The following PTPRA variants were observed in gnomAD, a reference collection of about 807,000 sequenced individuals.
The protein encoded by PTPRA is receptor-type tyrosine-protein phosphatase alpha.
Under a neutral mutation model 104.8 loss-of-function variants are expected in PTPRA, and 25 were observed. That is an observed-to-expected ratio of 0.24 (90% confidence interval 0.17 to 0.33). PTPRA has a LOEUF of 0.33. Among genes scored for constraint, PTPRA ranks in the 10% least tolerant of loss-of-function variants. The pLI is 1.00. For synonymous variants in PTPRA, 323 were observed against 368.9 expected (o/e 0.88, Z 1.43); for missense variants, 765 against 1,015.3 (o/e 0.75, Z 3.35).
At chr20:3,028,261 G>A (rs2065248138) in intron 20 of PTPRA, among the ~76,000 whole-genome samples, 1 of 152,158 alleles carries the variant, frequency 6.6e-6, no homozygotes, top group South Asian at 2.1e-4. Flanking sequence ...CAATATGAGT[G>A]TCCCTAAGAA....
At chr20:2,939,252 G>A (rs1195141617) in intron 2 of PTPRA, among the ~76,000 whole-genome samples, 1 of 152,192 alleles carries the variant, frequency 6.6e-6, no homozygotes, top group Admixed American at 6.5e-5. Context: ...CACAGATTCA[G>A]AGAATTCATT....
At position 3,038,283 on chromosome 20, in the gene PTPRA, T is replaced by C; in HGVS notation, c.*150T>C. The C allele has an allele frequency of 3.0e-6, 2 of 665,144 alleles. No individual in the cohort carries two copies. Among genetic ancestry groups the C allele is most frequent in the Non-Finnish European group, 2.6e-6 (1 of 390,696 alleles). The allele number at this position is 665,144 out of a possible 1,614,324, so 41.2% of individuals were successfully genotyped here. A position where few individuals can be genotyped will look rare whatever the true frequency, so the allele number is the denominator to read the frequency against. On this transcript the variant is annotated 3_prime_UTR_variant, in exon 24 of 24. Coordinates refer to ENST00000399903, the MANE Select transcript of PTPRA (RefSeq NM_001385305.1). ...TATTACCTATTAGGTGGAAATTTTA[T>C]ATGTAAATGTGTTAGCACTGATAGT...
intron 5 of PTPRA, among the ~76,000 whole-genome samples, chr20:2,969,539 C>G (rs961897866): frequency 6.6e-6 from 1 of 151,690 alleles, no homozygotes; most frequent in Non-Finnish European, 1.5e-5. Context: ...GCCACTGCGC[C>G]CAGCCTAGAA....
At chr20:2,930,128 G>A (rs2060454995) in intron 2 of PTPRA, among the ~76,000 whole-genome samples, 1 of 152,146 alleles carries the variant, frequency 6.6e-6, no homozygotes, top group Non-Finnish European at 1.5e-5. Context: ...TTTTATGGCA[G>A]CCCTACCAAA....
At chr20:2,991,377 A>T (rs2063168500) in intron 9 of PTPRA, among the ~76,000 whole-genome samples, 1 of 152,014 alleles carries the variant, frequency 6.6e-6, no homozygotes, top group Non-Finnish European at 1.5e-5. Flanking sequence ...AAAAAAAAAA[A>T]AAAAAATTTA....
intron 12 of PTPRA, 72 bp from the exon 13 acceptor site, chr20:3,017,744 G>C: frequency 7.4e-7 from 1 of 1,350,368 alleles, no homozygotes; most frequent in Non-Finnish European, 1.1e-6. Flanking sequence ...AGTCAGGAAT[G>C]GATGTTCCCA....
rs191662684 is a variant in PTPRA at position 2,912,154 on chromosome 20, A to G, written c.-128-11053A>G. ...CCCAGCTACTCAGGAGGCTGAAGTG[A>G]GAGAATCACTTGAGCCTGGGAGGTT... On this transcript the variant is annotated intron_variant, in intron 1 of 23. Transcript: ENST00000399903. 2.8e-4 allele frequency among the ~76,000 whole-genome samples: 43 copies of G among 152,226 alleles called. 1 individual carries two copies. The East Asian group carries it at 7.5e-3, about 27-fold the overall frequency.
At chr20:3,011,488 A>G (rs1391178861) in intron 11 of PTPRA, among the ~76,000 whole-genome samples, 1 of 152,228 alleles carries the variant, frequency 6.6e-6, no homozygotes, top group African/African-American at 2.4e-5. Context: ...GAGAAAAAAC[A>G]TTCAGCCCAG....
intron 1 of PTPRA, among the ~76,000 whole-genome samples, chr20:2,888,385 C>T (rs936045449): frequency 6.6e-6 from 1 of 151,912 alleles, no homozygotes; most frequent in Admixed American, 6.6e-5. Context: ...CATAGTGAGA[C>T]CCTGCTTCTA....
intron 3 of PTPRA, among the ~76,000 whole-genome samples, chr20:2,958,201 A>G (rs776997842): frequency 1.8e-4 from 28 of 152,172 alleles, no homozygotes; most frequent in Non-Finnish European, 3.7e-4. Flanking sequence ...GGTGTGGTAG[A>G]CATAACAGAG....
chr20:3,012,088 G>GC (rs1312583500), intron 11 of PTPRA, among the ~76,000 whole-genome samples: 1 of 152,204 alleles, frequency 6.6e-6, no homozygotes, highest in East Asian at 1.9e-4. Flanking sequence ...AGATAGTCAA[G>GC]CTAGAAGGGA....
chr20:2,938,846 C>T (rs1250443092), intron 2 of PTPRA, among the ~76,000 whole-genome samples: 1 of 152,118 alleles, frequency 6.6e-6, no homozygotes, highest in Non-Finnish European at 1.5e-5. Context: ...GTTTTAAATT[C>T]TTTTCAAATA....
intron 1 of PTPRA, among the ~76,000 whole-genome samples, chr20:2,886,427 A>G (rs903582422): frequency 2.0e-5 from 3 of 152,204 alleles, no homozygotes; most frequent in Non-Finnish European, 4.4e-5. Flanking sequence ...TAATAGGTAT[A>G]TAAGGGTTTA....
intron 9 of PTPRA, among the ~76,000 whole-genome samples, chr20:2,995,224 T>C (rs2063350823): frequency 6.6e-6 from 1 of 152,222 alleles, no homozygotes; most frequent in African/African-American, 2.4e-5. Flanking sequence ...TCCTATCATT[T>C]GTAATGATCC....
At chr20:2,900,430 C>CA (rs1450372485) in intron 1 of PTPRA, among the ~76,000 whole-genome samples, 2 of 152,132 alleles carry the variant, frequency 1.3e-5, no homozygotes, top group Non-Finnish European at 2.9e-5. Flanking sequence ...GTTCCATGAG[C>CA]CATTGTTACA....
At chr20:2,915,939 A>C (rs1193030213) in intron 1 of PTPRA, among the ~76,000 whole-genome samples, 3 of 152,208 alleles carry the variant, frequency 2.0e-5, no homozygotes, top group African/African-American at 7.2e-5. Context: ...GCATCACTGC[A>C]CTCCAGCCTG....
At chr20:2,874,414 A>G (rs539603895) in intron 1 of PTPRA, among the ~76,000 whole-genome samples, 2 of 152,026 alleles carry the variant, frequency 1.3e-5, no homozygotes, top group Non-Finnish European at 2.9e-5. Context: ...ATAGCAGAGC[A>G]GAGTCCTGTC....
Position 3,035,551 on chromosome 20 carries a change from C to CT in PTPRA, c.1921-33dup. The CT allele has an allele frequency of 6.3e-7, 1 of 1,592,208 alleles. No individual in the cohort carries two copies. Among genetic ancestry groups the CT allele is most frequent in the Non-Finnish European group, 8.6e-7 (1 of 1,161,274 alleles). On this transcript the variant is annotated intron_variant, in intron 20 of 23. Coordinates refer to ENST00000399903, the MANE Select transcript of PTPRA (RefSeq NM_001385305.1). This position sits in a 1 kb window ranked among gnomAD's most constrained non-coding sequence, Gnocchi z 5.8. ...GTGCTGCTTCTACACATGTGGTACT[C>CT]TGAGCTCCTCACCTCTCCAACCTGT...
Position 2,921,507 on chromosome 20 carries a change from T to C in PTPRA, c.-128-1700T>C, listed in dbSNP as rs563990806. 5.3e-5 allele frequency among the ~76,000 whole-genome samples: 8 copies of C among 152,290 alleles called. No individual in the cohort carries two copies. In the South Asian group the frequency reaches 8.3e-4, roughly 16 times the overall value. On this transcript the variant is annotated intron_variant, in intron 1 of 23. Coordinates refer to ENST00000399903, the MANE Select transcript of PTPRA (RefSeq NM_001385305.1). ...ATGTATAAATAATAGATGGTTGTTA[T>C]GGAATACTGGATAGTACAAAAGTTT...
Sources: allele counts gnomAD v4.1 joint callset (sites outside exome capture counted in the v4.1 genomes callset), GRCh38; gene constraint gnomAD v4.1.1; non-coding constraint Gnocchi (gnomAD v3.1); transcripts MANE v1.5; gene names NCBI Gene and HGNC (gene_info 2026-07-23, HGNC 2026-07-21).